The following RALGAPA1 variants were observed in gnomAD, a reference collection of about 807,000 sequenced individuals.
RALGAPA1 encodes Ral GTPase activating protein catalytic subunit alpha 1.
RALGAPA1 carries 52 observed loss-of-function variants against 269.6 expected under a neutral mutation model. The observed-to-expected ratio is 0.19, with a 90% CI of 0.15 to 0.24. The LOEUF (loss-of-function observed/expected upper bound fraction) is 0.24. Ranked by LOEUF, RALGAPA1 falls within the 10% of genes least tolerant of loss-of-function variation. The pLI is 1.00. For missense variants in RALGAPA1, 1,917 were observed against 3,013.9 expected (o/e 0.64, Z 8.52); for synonymous variants, 817 against 1,008.3 (o/e 0.81, Z 3.60).
At chr14:35,804,540 G>A (rs1428045710) in intron 1 of RALGAPA1, among the ~76,000 whole-genome samples, 3 of 151,900 alleles carry the variant, frequency 2.0e-5, no homozygotes. Flanking sequence ...TGGCACTCCA[G>A]CCTGGGTGAC....
At chr14:35,661,161 G>C (rs2063516829) in intron 27 of RALGAPA1, among the ~76,000 whole-genome samples, 1 of 152,084 alleles carries the variant, frequency 6.6e-6, no homozygotes, top group Non-Finnish European at 1.5e-5. Flanking sequence ...ATAGCCATGT[G>C]AGGTGATGGA....
intron 4 of RALGAPA1, chr14:35,766,330 T>TC: frequency 8.7e-7 from 1 of 1,154,208 alleles, no homozygotes; most frequent in Non-Finnish European, 1.3e-6. Context: ...GTTAAACCAT[T>TC]CATGATTCCC....
At chr14:35,704,600 C>G (rs2067642845) in intron 16 of RALGAPA1, among the ~76,000 whole-genome samples, 1 of 152,036 alleles carries the variant, frequency 6.6e-6, no homozygotes, top group Non-Finnish European at 1.5e-5. Context: ...CATCATGTGA[C>G]AAAACTGTTA....
In RALGAPA1 at chr14:35,689,548, T is replaced by C; in HGVS notation, c.2863A>G (p.Ser955Gly). The change falls in exon 18 of 42, where the codon AGT (serine) becomes GGT (glycine). Residue 955 changes from serine to glycine, a missense_variant. Coordinates refer to ENST00000680220, the MANE Select transcript of RALGAPA1 (RefSeq NM_001346249.2). ...EYFKENQENH[S>G]KNETGKDPAS... is the part of the protein sequence containing the mutation. ...GGGTCTTTCCCTGTCTCATTTTTAC[T>C]ATGATTTTCCTGGTTTTCCTTAAAA... 1 of 1,242,124 alleles carries C rather than the reference T, an allele frequency of 8.1e-7. No homozygotes were observed. The highest frequency in any genetic ancestry group is 1.0e-6 in the Non-Finnish European group (1 of 994,900). The allele number at this position is 1,242,124 out of a possible 1,614,324, so 76.9% of individuals were successfully genotyped here. A position where few individuals can be genotyped will look rare whatever the true frequency, so the allele number is the denominator to read the frequency against.
intron 16 of RALGAPA1, among the ~76,000 whole-genome samples, chr14:35,701,265 TAAAAG>T (rs531292416): frequency 3.1e-4 from 47 of 152,210 alleles, no homozygotes; most frequent in Non-Finnish European, 6.8e-4. Context: ...ATCAAGGACT[TAAAAG>T]AAACAATACT....
At chr14:35,701,915 C>T (rs1013893466) in intron 16 of RALGAPA1, among the ~76,000 whole-genome samples, 3 of 152,150 alleles carry the variant, frequency 2.0e-5, no homozygotes, top group Non-Finnish European at 4.4e-5. Flanking sequence ...TCCCAAAGTA[C>T]TGAGATTACA....
intron 13 of RALGAPA1, among the ~76,000 whole-genome samples, chr14:35,726,674 C>T (rs765332520): frequency 6.6e-6 from 1 of 152,096 alleles, no homozygotes; most frequent in Non-Finnish European, 1.5e-5. Flanking sequence ...AATGCTATTA[C>T]TTCAAGGGAA....
At chr14:35,713,823 C>T (rs1047767201) in intron 16 of RALGAPA1, among the ~76,000 whole-genome samples, 4 of 152,070 alleles carry the variant, frequency 2.6e-5, no homozygotes, top group African/African-American at 4.8e-5. Context: ...GGGCCAGGTG[C>T]GGTGGCTCAC....
intron 1 of RALGAPA1, among the ~76,000 whole-genome samples, chr14:35,792,604 G>A (rs1011992058): frequency 3.3e-5 from 5 of 151,702 alleles, no homozygotes; most frequent in South Asian, 2.1e-4. Context: ...CCAACGTGGC[G>A]AAACCCCATC....
At chr14:35,666,121 T>C (rs760255810) in intron 26 of RALGAPA1, among the ~76,000 whole-genome samples, 47 of 151,642 alleles carry the variant, frequency 3.1e-4, no homozygotes, top group Admixed American at 1.8e-3. Context: ...GGTCAAATGA[T>C]CCTCCCATCT....
chr14:35,797,404 GCATAAAGAATCCATCA>G (rs1326728080), intron 1 of RALGAPA1, among the ~76,000 whole-genome samples: 1 of 142,446 alleles, frequency 7.0e-6, no homozygotes, highest in Non-Finnish European at 1.5e-5. Flanking sequence ...ACAAACAAAA[GCATAAAGAATCCATCA>G]CATACAGAGG....
chr14:35,808,933 G>C lies in RALGAPA1; in HGVS notation c.-98C>G. The C allele has an allele frequency of 1.3e-6, 2 of 1,509,088 alleles. No individual in the cohort carries two copies. The highest frequency in any genetic ancestry group is 1.3e-5 in the South Asian group (1 of 78,320). 93.5% of individuals were successfully genotyped at this position (1,509,088 alleles called of 1,614,324 possible). A position where few individuals can be genotyped will look rare whatever the true frequency, so the allele number is the denominator to read the frequency against. On this transcript the variant is annotated 5_prime_UTR_variant, in exon 1 of 42. Coordinates refer to ENST00000680220, the MANE Select transcript of RALGAPA1 (RefSeq NM_001346249.2). ...GAGTGGACGGGGAGGAGACTAGCCAGAGAGGCTCATTAGCTCCCCAGCCTT... is the reference window on the plus strand; with the variant it reads ...GAGTGGACGGGGAGGAGACTAGCCACAGAGGCTCATTAGCTCCCCAGCCTT...
At chr14:35,748,195 A>G (rs2072311754) in intron 10 of RALGAPA1, among the ~76,000 whole-genome samples, 1 of 152,048 alleles carries the variant, frequency 6.6e-6, no homozygotes, top group African/African-American at 2.4e-5. Context: ...ATATATAAAG[A>G]ATAGAAAATA....
intron 14 of RALGAPA1, 100 bp downstream of exon 14, chr14:35,724,924 G>T: frequency 1.0e-6 from 1 of 952,970 alleles, no homozygotes; most frequent in Non-Finnish European, 1.4e-6. Context: ...CTGGTAACAA[G>T]TTCAGGGTTC....
chr14:35,619,731 T>C (rs1237066190), intron 35 of RALGAPA1, among the ~76,000 whole-genome samples: 8 of 152,014 alleles, frequency 5.3e-5, no homozygotes, highest in Non-Finnish European at 5.9e-5. Context: ...TCTAAGCAAA[T>C]AAACTAGAAA....
chr14:35,749,683 G>A (rs908672751), intron 9 of RALGAPA1, among the ~76,000 whole-genome samples: 5 of 152,054 alleles, frequency 3.3e-5, no homozygotes, highest in African/African-American at 1.2e-4. Context: ...TCTTAATACA[G>A]AAGTTAGAGC....
intron 12 of RALGAPA1, among the ~76,000 whole-genome samples, chr14:35,729,417 T>C (rs1014845058): frequency 6.6e-6 from 1 of 152,000 alleles, no homozygotes; most frequent in Non-Finnish European, 1.5e-5. Flanking sequence ...AAAAAGTATA[T>C]ACATAGTAAT....
rs767211689 is a variant in RALGAPA1, at chr14:35,549,122, G to A, written c.7609C>T (p.Pro2537Ser). 6.2e-7 allele frequency: 1 copy of A among 1,610,568 alleles called. No individual in the cohort carries two copies. The highest frequency in any genetic ancestry group is 2.2e-5 in the East Asian group (1 of 44,752). Residue 2537 changes from proline (P) to serine (S), a missense_variant, in exon 40 of 42, where the codon CCA becomes TCA. Physicochemically the swap from Pro to Ser is moderately conservative, Grantham distance 74. This residue lies in a region of RALGAPA1 where 91 missense variants were observed against 130.9 expected (regional missense o/e 0.70). Coordinates refer to ENST00000680220, the MANE Select transcript of RALGAPA1 (RefSeq NM_001346249.2). ...VFSPAPYHHLPSDADH is the reference protein window; with the variant it reads ...VFSPAPYHHLSSDADH ...CTTTTAATCTTACCGGCATCAGATG[G>A]TAAATGGTGGTAGGGAGCTGGAGAA... is the stretch of plus-strand genomic sequence containing the variant.
At position 35,702,743 on chromosome 14, in the gene RALGAPA1, A is replaced by ACAT. The variant is rs1555409698; in HGVS notation, c.2267-2442_2267-2441insATG. 1.7e-3 allele frequency among the ~76,000 whole-genome samples: 237 copies of ACAT among 141,802 alleles called. 8 individuals carry two copies. The East Asian group carries it at 0.039, about 23-fold the overall frequency. The allele number at this position is 141,802 out of a possible 152,430, so 93.0% of individuals were successfully genotyped here. On this transcript the variant is annotated intron_variant, in intron 16 of 41. Transcript: ENST00000680220. ...AAAAAAAAAATATATATATATATAC[A>ACAT]TTTTTTTTTTTTTTGAGACGGAGTC...
Sources: allele counts gnomAD v4.1 joint callset (sites outside exome capture counted in the v4.1 genomes callset), GRCh38; gene constraint gnomAD v4.1.1; regional missense constraint gnomAD v4.1.1; transcripts MANE v1.5; gene names NCBI Gene and HGNC (gene_info 2026-07-23, HGNC 2026-07-21).